The following ZNF800 variants were observed in gnomAD, a reference collection of about 807,000 sequenced individuals.
ZNF800 encodes zinc finger protein 800.
In ZNF800, 13 loss-of-function variants were observed where a neutral mutation model predicts 59.5. That is an observed-to-expected ratio of 0.22 (90% CI 0.14 to 0.35). The LOEUF is 0.35. Among genes scored for constraint, ZNF800 ranks in the 10% least tolerant of loss-of-function variants. ZNF800 has a pLI of 1.00. For missense variants in ZNF800, 621 were observed against 783.7 expected (o/e 0.79, Z 2.48); for synonymous variants, 266 against 265.7 (o/e 1.00, Z -0.01).
downstream of ZNF800, among the ~76,000 whole-genome samples, chr7:127,345,034 T>G (rs1404119390): frequency 1.3e-5 from 2 of 152,216 alleles, no homozygotes; most frequent in East Asian, 3.8e-4. Flanking sequence ...TTGATAGATA[T>G]CTGACAAAGA....
chr7:127,386,181 C>A (rs1194211554), intron 2 of ZNF800, 26 bp from the exon 3 acceptor site: 2 of 1,389,938 alleles, frequency 1.4e-6, no homozygotes, highest in Admixed American at 1.9e-5. Flanking sequence ...ACACCCACCC[C>A]AATCCCCACA....
chr7:127,373,743 T>C lies in ZNF800; in HGVS notation c.1593A>G (p.Lys531=), dbSNP rs765193067. ...CAGTTATATGTCGTATCACATCACGTTTCCGACGAGTTTCATAAGTGCAAA... is the reference window on the plus strand; with the variant it reads ...CAGTTATATGTCGTATCACATCACGCTTCCGACGAGTTTCATAAGTGCAAA... ...CPLCTYETRR[K]RDVIRHITVV... The change falls in exon 5 of 6, where the codon AAA becomes AAG. Residue 531 remains lysine (K), a synonymous_variant. Coordinates refer to ENST00000265827, the MANE Select transcript of ZNF800 (RefSeq NM_176814.5). 2 of 1,614,168 alleles carry C rather than the reference T, an allele frequency of 1.2e-6. No individual in the cohort carries two copies. The highest frequency in any genetic ancestry group is 3.3e-5 in the Admixed American group (2 of 60,024).
Position 127,377,126 on chromosome 7 carries a change from C to G in ZNF800, c.301+60G>C. 2.1e-6 allele frequency: 3 copies of G among 1,408,804 alleles called. No individual in the cohort carries two copies. Among genetic ancestry groups the G allele is most frequent in the Non-Finnish European group, 2.9e-6 (3 of 1,035,802 alleles). 87.3% of individuals were successfully genotyped at this position (1,408,804 alleles called of 1,614,324 possible). On this transcript the variant is annotated intron_variant, in intron 4 of 5. Coordinates refer to ENST00000265827, the MANE Select transcript of ZNF800 (RefSeq NM_176814.5). This position sits in a 1 kb window ranked among gnomAD's most constrained non-coding sequence, Gnocchi z 4.7. ...GATACAATTTTAATGCAAATGTATA[C>G]TTGCAGTATAAGAATACTTAGCTGT...
chr7:127,379,886 GAGA>G (rs1800922691), intron 3 of ZNF800, among the ~76,000 whole-genome samples: 1 of 113,430 alleles, frequency 8.8e-6, no homozygotes, highest in Non-Finnish European at 1.7e-5. Flanking sequence ...GAGAGAGAGA[GAGA>G]GAGGGAGAGA....
chr7:127,383,424 T>C (rs7798749), intron 3 of ZNF800, among the ~76,000 whole-genome samples: 1,946 of 152,334 alleles, frequency 0.013, 40 homozygotes, highest in African/African-American at 0.043. Context: ...GTCAAAGATA[T>C]ATAGCACCAC....
At chr7:127,381,630 T>C (rs1800979865) in intron 3 of ZNF800, among the ~76,000 whole-genome samples, 1 of 152,070 alleles carries the variant, frequency 6.6e-6, no homozygotes, top group Non-Finnish European at 1.5e-5. Context: ...TTTCCCCCAC[T>C]GAGAAACTCA....
At chr7:127,391,371 T>C (rs1801306979) in intron 2 of ZNF800, 126 bp downstream of exon 2, 1 of 914,974 alleles carries the variant, frequency 1.1e-6, no homozygotes, top group African/African-American at 1.6e-5. Context: ...AACTGGCTTA[T>C]GCTAGGGAAT....
At chr7:127,381,405 C>T (rs1472053771) in intron 3 of ZNF800, among the ~76,000 whole-genome samples, 1 of 151,308 alleles carries the variant, frequency 6.6e-6, no homozygotes, top group African/African-American at 2.4e-5. Context: ...ATTGAAAGTT[C>T]TATCCTAAAA....
chr7:127,363,003 G>C (rs1272757589), intron 1 of ZNF800: 3 of 152,174 alleles, frequency 2.0e-5, no homozygotes, highest in Admixed American at 1.3e-4. Flanking sequence ...AGGATGGATA[G>C]GCATTGATCA....
Position 127,373,583 on chromosome 7 carries a change from T to C in ZNF800, c.1753A>G (p.Ser585Gly). 3.1e-6 allele frequency: 5 copies of C among 1,614,200 alleles called. No homozygotes were observed. Among genetic ancestry groups the C allele is most frequent in the Non-Finnish European group, 4.2e-6 (5 of 1,180,024 alleles). The change falls in exon 5 of 6, where the codon AGT (serine) becomes GGT (glycine). Residue 585 changes from serine to glycine, a missense_variant. By Grantham distance (56) the Ser-to-Gly change is moderately conservative (BLOSUM62 0). Around this residue, in one of 7 missense-constraint regions of ZNF800, gnomAD observed 94 missense variants for 108.5 expected, o/e 0.87. Coordinates refer to ENST00000265827, the MANE Select transcript of ZNF800 (RefSeq NM_176814.5). ...RGPSRDEAKH[S>G]DSKHDGTSNS... ...GAAGTGCCATCATGTTTTGAATCAC[T>C]ATGTTTTGCTTCATCCCTCGAAGGG...
At chr7:127,362,044 C>CCT (rs917859126) in intron 1 of ZNF800, 53 of 152,182 alleles carry the variant, frequency 3.5e-4, no homozygotes, top group African/African-American at 1.0e-3. Context: ...AGGCCTCAGG[C>CCT]CTCAACGTGT....
intron 3 of ZNF800, among the ~76,000 whole-genome samples, chr7:127,379,551 T>A (rs1305379256): frequency 2.0e-5 from 3 of 152,088 alleles, no homozygotes. Context: ...ATTTAAAGCA[T>A]AAAATAATCA....
rs535303621 is a variant in ZNF800 at position 127,372,206 on chromosome 7, C to T, written c.*-392G>A. Among the ~76,000 whole-genome samples the T allele has an allele frequency of 3.6e-4, 55 of 152,100 alleles. No homozygotes were observed. In the South Asian group the frequency reaches 0.011, roughly 30 times the overall value. On this transcript the variant is annotated intron_variant, in intron 5 of 5. Transcript: ENST00000265827. ...ACAAGTAGTATTTTTTGGCCAGGCA[C>T]GGTGGCTCATGCCTGTAACCCCAGC... is the stretch of plus-strand genomic sequence containing the variant.
chr7:127,347,389 T>TGGGGGGGGGGGGGGGGGGGGGG (rs1163306523), exon 2 of ZNF800: 6 of 37,074 alleles, frequency 1.6e-4, no homozygotes, highest in African/African-American at 3.0e-4. Flanking sequence ...GGCGGGGGGG[T>TGGGGGGGGGGGGGGGGGGGGGG]GGGGAGGTGG....
chr7:127,390,462 T>C (rs1433607522), intron 2 of ZNF800, among the ~76,000 whole-genome samples: 7 of 152,208 alleles, frequency 4.6e-5, no homozygotes, highest in African/African-American at 1.7e-4. Context: ...GTACGAATTT[T>C]ATCCTCATCT....
chr7:127,361,762 A>T (rs773821226), intron 1 of ZNF800: 44 of 152,164 alleles, frequency 2.9e-4, no homozygotes, highest in Non-Finnish European at 5.1e-4. Flanking sequence ...TTAAAAGTCC[A>T]ATAAAGATGA....
At chr7:127,347,979 G>C (rs1459428435) in exon 2 of ZNF800, 1 of 149,692 alleles carries the variant, frequency 6.7e-6, no homozygotes, top group Non-Finnish European at 1.5e-5. Context: ...CCCGCGGGCA[G>C]GCAGCGGCTC....
exon 2 of ZNF800, chr7:127,347,921 C>T (rs995814105): frequency 6.7e-6 from 1 of 149,012 alleles, no homozygotes; most frequent in Admixed American, 6.7e-5. Flanking sequence ...GGCGCCGCCG[C>T]GGAGCTTGGC....
chr7:127,392,127 G>A lies in ZNF800; in HGVS notation c.-126C>T, dbSNP rs1210239809. On this transcript the variant is annotated 5_prime_UTR_variant, in exon 1 of 6. Coordinates refer to ENST00000265827, the MANE Select transcript of ZNF800 (RefSeq NM_176814.5). The stretch of plus-strand genomic sequence containing the variant: ...GGCAGGCCGGGCGGCCGCGGGGACA[G>A]CCTGGCGTGGGAGGCGGCTGCGGGC... 3 of 394,242 alleles carry A rather than the reference G, an allele frequency of 7.6e-6. No homozygotes were observed. Among genetic ancestry groups the A allele is most frequent in the Admixed American group, 8.9e-5 (2 of 22,508 alleles). The allele number at this position is 394,242 out of a possible 1,614,324, so 24.4% of individuals were successfully genotyped here. A position where few individuals can be genotyped will look rare whatever the true frequency, so the allele number is the denominator to read the frequency against.
Sources: gnomAD v4.1 joint callset for allele counts (sites outside exome capture counted in the v4.1 genomes callset) on GRCh38, gnomAD v4.1.1 for gene constraint, gnomAD v4.1.1 regional missense constraint, Gnocchi (gnomAD v3.1) non-coding constraint, MANE v1.5 for transcripts, NCBI Gene and HGNC (gene_info 2026-07-23, HGNC 2026-07-21) for gene names.